The following SLC22A24 variants were observed in gnomAD, a reference collection of about 807,000 sequenced individuals.
The protein encoded by SLC22A24 is steroid transmembrane transporter SLC22A24.
Under a neutral mutation model 49.8 loss-of-function variants are expected in SLC22A24, and 53 were observed. That is an observed-to-expected ratio of 1.06 (90% CI 0.85 to 1.34). The LOEUF is 1.34. Ranked by LOEUF, SLC22A24 falls within the 40% of genes most tolerant of loss-of-function variation. The pLI is 0.00. For missense variants in SLC22A24, 786 were observed against 675.9 expected (o/e 1.16, Z -1.81); for synonymous variants, 302 against 256.4 (o/e 1.18, Z -1.70).
At chr11:63,125,198 T>G (rs898732871) in intron 2 of SLC22A24, among the ~76,000 whole-genome samples, 1 of 152,178 alleles carries the variant, frequency 6.6e-6, no homozygotes, top group African/African-American at 2.4e-5. Context: ...GAGGTACCTG[T>G]GCAGAATGTG....
At chr11:63,133,899 C>T (rs560354495) in intron 2 of SLC22A24, among the ~76,000 whole-genome samples, 1 of 152,320 alleles carries the variant, frequency 6.6e-6, no homozygotes, top group South Asian at 2.1e-4. Flanking sequence ...CCCACCTTGG[C>T]CTCCCAAAGT....
intron 1 of SLC22A24, among the ~76,000 whole-genome samples, chr11:63,137,594 G>C (rs1166337712): frequency 6.6e-6 from 1 of 152,208 alleles, no homozygotes; most frequent in Non-Finnish European, 1.5e-5. Flanking sequence ...AGCTTTGCCA[G>C]GCTGATATTG....
At position 63,119,044 on chromosome 11, in the gene SLC22A24, G is replaced by A; in HGVS notation, c.698C>T (p.Thr233Ile). ...EWTLPRSRSM[T>I]IMVLLCSYSV... ...GTAGGAACATAATAGCACCATTATT[G>A]TCATAGATCGTGACCGGGGCAATGT... Residue 233 changes from threonine to isoleucine, a missense_variant, in exon 4 of 10, where the codon ACA (threonine) becomes ATA (isoleucine). Transcript: ENST00000612278. The A allele has an allele frequency of 6.4e-7, 1 of 1,551,058 alleles. No homozygotes were observed. Among genetic ancestry groups the A allele is most frequent in the Non-Finnish European group, 8.7e-7 (1 of 1,146,502 alleles).
intron 6 of SLC22A24, among the ~76,000 whole-genome samples, chr11:63,095,441 C>T (rs1277372943): frequency 2.0e-5 from 3 of 152,094 alleles, no homozygotes; most frequent in Non-Finnish European, 2.9e-5. Flanking sequence ...ATAAATTTCA[C>T]ATATTTAAAG....
chr11:63,080,833 G>A, intron 9 of SLC22A24, 87 bp downstream of exon 9: 3 of 1,147,452 alleles, frequency 2.6e-6, no homozygotes, highest in Non-Finnish European at 3.7e-6. Flanking sequence ...AGGACAGAGG[G>A]CCCCAAATGG....
rs1327671201 is a variant in SLC22A24 at position 63,126,839 on chromosome 11, G to C, written c.507-7504C>G. ...TGGTGTCCTCCCATTTCTTTGAGCA[G>C]TGGTTTTCCTTGAAGAGGTCCATCA... On this transcript the variant is annotated intron_variant, in intron 2 of 9. Coordinates refer to ENST00000612278, the MANE Select transcript of SLC22A24 (RefSeq NM_001136506.2). Among the ~76,000 whole-genome samples, 4 of 152,218 alleles carry C rather than the reference G, an allele frequency of 2.6e-5. No homozygotes were observed. In the East Asian group the frequency reaches 7.7e-4, roughly 29 times the overall value.
intron 1 of SLC22A24, among the ~76,000 whole-genome samples, chr11:63,138,067 G>C (rs1378300773): frequency 2.6e-5 from 4 of 152,178 alleles, no homozygotes; most frequent in African/African-American, 7.2e-5. Context: ...CTGTAATGGA[G>C]AGAGGGGTAT....
At chr11:63,133,288 C>T (rs1590750260) in intron 2 of SLC22A24, among the ~76,000 whole-genome samples, 1 of 152,212 alleles carries the variant, frequency 6.6e-6, no homozygotes, top group African/African-American at 2.4e-5. Context: ...CGGCACCCCA[C>T]CCTGCTTCAG....
intron 6 of SLC22A24, among the ~76,000 whole-genome samples, chr11:63,094,769 T>A (rs957634527): frequency 3.3e-5 from 5 of 152,262 alleles, no homozygotes; most frequent in Non-Finnish European, 5.9e-5. Context: ...TTTGGCTGCA[T>A]AAATGTCTTC....
intron 2 of SLC22A24, among the ~76,000 whole-genome samples, chr11:63,119,768 A>T (rs1007422524): frequency 2.0e-5 from 3 of 152,188 alleles, no homozygotes; most frequent in Non-Finnish European, 4.4e-5. Flanking sequence ...ATTTGAAAGG[A>T]AGAGTGGAAA....
Position 63,143,651 on chromosome 11 carries a change from G to A in SLC22A24, c.129C>T (p.Phe43=). ...GGACCCAGCAGCGATGACTAGGGGT[G>A]AATGCAGTGAAGTTCTCCAACACAA... is the stretch of plus-strand genomic sequence containing the variant. ...PNIVLENFTA[F]TPSHRCWVPL... Residue 43 remains phenylalanine, a synonymous_variant, in exon 1 of 10, where the codon TTC becomes TTT. Transcript: ENST00000612278. The A allele has an allele frequency of 6.3e-7, 1 of 1,599,104 alleles. No individual in the cohort carries two copies. Among genetic ancestry groups the A allele is most frequent in the Non-Finnish European group, 8.5e-7 (1 of 1,173,190 alleles).
At chr11:63,104,354 C>T (rs1045338871) in intron 4 of SLC22A24, 56 bp from the exon 5 acceptor site, 12 of 1,480,900 alleles carry the variant, frequency 8.1e-6, no homozygotes, top group Middle Eastern at 1.8e-4. Context: ...GGCACTTAAC[C>T]TTTAACATGA....
chr11:63,106,850 T>C (rs2134654041), intron 4 of SLC22A24, among the ~76,000 whole-genome samples: 1 of 152,330 alleles, frequency 6.6e-6, no homozygotes, highest in East Asian at 1.9e-4. Context: ...GATGAGTAGG[T>C]TGCAAAAATT....
At chr11:63,130,582 C>T (rs1249524719) in intron 2 of SLC22A24, among the ~76,000 whole-genome samples, 4 of 152,130 alleles carry the variant, frequency 2.6e-5, no homozygotes, top group African/African-American at 4.8e-5. Context: ...TGGCAGAATT[C>T]GGCTGTGAAT....
rs999899293 is a variant in SLC22A24 at position 63,113,187 on chromosome 11, T to C, written c.830+5725A>G. On this transcript the variant is annotated intron_variant, in intron 4 of 9. Transcript: ENST00000612278. The stretch of plus-strand genomic sequence containing the variant: ...ATACACATATATATACATATATATA[T>C]ACACATATATATATACATATATATA... Among the ~76,000 whole-genome samples the C allele has an allele frequency of 1.5e-3, 8 of 5,228 alleles. 1 individual carries two copies. The highest frequency in any genetic ancestry group is 1.8e-3 in the Non-Finnish European group (3 of 1,696). 3.4% of individuals were successfully genotyped at this position (5,228 alleles called of 152,430 possible).
chr11:63,085,149 T>C (rs1330340262), intron 6 of SLC22A24, among the ~76,000 whole-genome samples: 1 of 151,976 alleles, frequency 6.6e-6, no homozygotes, highest in Non-Finnish European at 1.5e-5. Context: ...CAGATAAAAT[T>C]TGAGGAAAAA....
intron 2 of SLC22A24, among the ~76,000 whole-genome samples, chr11:63,132,514 T>C (rs2087344040): frequency 6.6e-6 from 1 of 152,238 alleles, no homozygotes. Context: ...TTTCTGTTTG[T>C]TAGTTTTCAT....
At chr11:63,094,113 G>A (rs1565325163) in intron 6 of SLC22A24, among the ~76,000 whole-genome samples, 2 of 151,072 alleles carry the variant, frequency 1.3e-5, no homozygotes, top group African/African-American at 2.4e-5. Context: ...TTAGCATTAG[G>A]TATATCTCCT....
intron 4 of SLC22A24, among the ~76,000 whole-genome samples, chr11:63,112,146 G>A (rs2087170176): frequency 6.6e-6 from 1 of 152,150 alleles, no homozygotes; most frequent in East Asian, 1.9e-4. Flanking sequence ...CATTTTCCAT[G>A]TAGTTGAGTG....
Sources: allele counts gnomAD v4.1 joint callset (sites outside exome capture counted in the v4.1 genomes callset), GRCh38; gene constraint gnomAD v4.1.1; transcripts MANE v1.5; gene names NCBI Gene and HGNC (gene_info 2026-07-23, HGNC 2026-07-21).